Variants in SLC9A4 observed in about 807,000 individuals in gnomAD.
SLC9A4 encodes the protein solute carrier family 9 member A4, also known as sodium/hydrogen exchanger 4.
A neutral mutation model predicts 67.4 loss-of-function variants in SLC9A4; 63 were observed. The ratio of observed to expected loss-of-function variants is 0.93; its 90% CI spans 0.76 to 1.15. The LOEUF (loss-of-function observed/expected upper bound fraction) is 1.15. Among genes scored for constraint, SLC9A4 ranks in the 50% most tolerant of loss-of-function variants. The pLI, the probability that SLC9A4 is intolerant of heterozygous loss-of-function variation, is 0.00. For missense variants in SLC9A4, 1,089 were observed against 987.7 expected, an observed-to-expected ratio of 1.10 and a Z score of -1.38; for synonymous variants, 393 against 367.2, an observed-to-expected ratio of 1.07 and a Z score of -0.80.
At chr2:102,478,626 G>A (rs1684382663) in intron 1 of SLC9A4, among the ~76,000 whole-genome samples, 2 of 152,186 alleles carry the variant, frequency 1.3e-5, no homozygotes, top group African/African-American at 2.4e-5. Flanking sequence ...AGCTGGCTGT[G>A]AATGATTCTG....
intron 10 of SLC9A4, among the ~76,000 whole-genome samples, chr2:102,525,819 C>T (rs1037163030): frequency 6.6e-6 from 1 of 151,980 alleles, no homozygotes. Context: ...TTTCTCAAAA[C>T]AAAAAAACTA....
intron 2 of SLC9A4, among the ~76,000 whole-genome samples, chr2:102,501,156 C>G (rs188073441): frequency 1.7e-3 from 260 of 151,156 alleles, no homozygotes; most frequent in Non-Finnish European, 3.1e-3. Context: ...GAGTCTCGCT[C>G]TGGCACCCAG....
chr2:102,477,966 T>C (rs913030311), intron 1 of SLC9A4, among the ~76,000 whole-genome samples: 2 of 152,244 alleles, frequency 1.3e-5, no homozygotes, highest in Admixed American at 6.5e-5. Flanking sequence ...TTATCAATAG[T>C]GGGAATTGCA....
At chr2:102,501,744 A>G (rs887620584) in intron 2 of SLC9A4, among the ~76,000 whole-genome samples, 2 of 151,950 alleles carry the variant, frequency 1.3e-5, no homozygotes, top group African/African-American at 4.8e-5. Context: ...GGATGAAGCC[A>G]AACCCAGAAC....
chr2:102,477,048 A>G (rs2104411282), intron 1 of SLC9A4, among the ~76,000 whole-genome samples: 1 of 152,208 alleles, frequency 6.6e-6, no homozygotes, highest in South Asian at 2.1e-4. Context: ...GGAAGCTCAT[A>G]TCATCTATGG....
chr2:102,489,514 G>C (rs1184005007), intron 2 of SLC9A4, among the ~76,000 whole-genome samples: 1 of 152,190 alleles, frequency 6.6e-6, no homozygotes, highest in Non-Finnish European at 1.5e-5. Context: ...GTTCAGAAGA[G>C]TTTCAAACTT....
chr2:102,526,124 G>A (rs1330641978), intron 10 of SLC9A4, 135 bp from the exon 11 acceptor site: 1 of 789,824 alleles, frequency 1.3e-6, no homozygotes, highest in East Asian at 3.2e-5. Flanking sequence ...CTGACCTCAG[G>A]TGATCCGCCC....
chr2:102,476,454 A>G (rs1050890791), intron 1 of SLC9A4, among the ~76,000 whole-genome samples: 1 of 152,202 alleles, frequency 6.6e-6, no homozygotes, highest in Non-Finnish European at 1.5e-5. Flanking sequence ...ACAAGGCCCT[A>G]CTTATAGGTG....
At chr2:102,507,473 C>T (rs1247392399) in intron 4 of SLC9A4, among the ~76,000 whole-genome samples, 1 of 152,128 alleles carries the variant, frequency 6.6e-6, no homozygotes, top group Non-Finnish European at 1.5e-5. Flanking sequence ...CAAGCTCTTC[C>T]ACCCTAAACC....
chr2:102,523,527 T>A (rs1674593967), intron 9 of SLC9A4, among the ~76,000 whole-genome samples: 1 of 152,232 alleles, frequency 6.6e-6, no homozygotes, highest in Admixed American at 6.5e-5. Context: ...GAGCTTAATC[T>A]GTTTTGTATT....
In SLC9A4 at chr2:102,505,305, C is replaced by G; in HGVS notation, c.1032C>G (p.Ser344=). Reference sequence around the variant, plus strand: ...AAAAGTACGTGGAAGAAAACGTGTCCCAGACATCATACACGACCATCAAGT... The same window carrying G: ...AAAAGTACGTGGAAGAAAACGTGTCGCAGACATCATACACGACCATCAAGT... ...TMKKYVEENV[S]QTSYTTIKYF... is the part of the protein sequence containing the mutation. The change falls in exon 4 of 12, where the codon TCC becomes TCG. Residue 344 remains serine, a synonymous_variant. Coordinates refer to ENST00000295269, the MANE Select transcript of SLC9A4 (RefSeq NM_001011552.4). 1 of 1,614,130 alleles carries G rather than the reference C, an allele frequency of 6.2e-7. No homozygotes were observed. The highest frequency in any genetic ancestry group is 1.3e-5 in the African/African-American group (1 of 75,004).
At chr2:102,524,760 A>T (rs2104448358) in intron 9 of SLC9A4, among the ~76,000 whole-genome samples, 1 of 152,336 alleles carries the variant, frequency 6.6e-6, no homozygotes, top group South Asian at 2.1e-4. Context: ...GTCTGTGGGT[A>T]ACTAAGAGAA....
chr2:102,531,245 A>T (rs1674774599), intron 11 of SLC9A4, among the ~76,000 whole-genome samples: 1 of 152,104 alleles, frequency 6.6e-6, no homozygotes, highest in Non-Finnish European at 1.5e-5. Context: ...TCTAGAAAAT[A>T]CCTAAATTCT....
chr2:102,522,836 C>T (rs1291717885), intron 9 of SLC9A4, among the ~76,000 whole-genome samples: 1 of 152,184 alleles, frequency 6.6e-6, no homozygotes, highest in Non-Finnish European at 1.5e-5. Context: ...CAAAATTCAA[C>T]TTCTTGGGGC....
intron 2 of SLC9A4, among the ~76,000 whole-genome samples, chr2:102,499,499 G>A (rs991364204): frequency 1.3e-5 from 2 of 151,912 alleles, no homozygotes; most frequent in Admixed American, 6.6e-5. Flanking sequence ...TTCCTAATAC[G>A]AGAAATTCAC....
intron 1 of SLC9A4, among the ~76,000 whole-genome samples, chr2:102,476,111 T>A (rs747094637): frequency 1.3e-5 from 2 of 152,182 alleles, no homozygotes; most frequent in African/African-American, 2.4e-5. Flanking sequence ...CAGAAAAACA[T>A]CAAAACTCTC....
At chr2:102,526,100 C>G (rs1674659793) in intron 10 of SLC9A4, among the ~76,000 whole-genome samples, 159 bp from the exon 11 acceptor site, 1 of 152,206 alleles carries the variant, frequency 6.6e-6, no homozygotes, top group Non-Finnish European at 1.5e-5. Flanking sequence ...GTTGGCCAGG[C>G]TGGTCTTGAA....
At position 102,479,130 on chromosome 2, in the gene SLC9A4, T is replaced by TGAA. The variant is rs1461409993; in HGVS notation, c.550_552dup (p.Lys184dup). On this transcript the variant is annotated inframe_insertion, in exon 2 of 12. Transcript: ENST00000295269. ...CTCTCCCTCTACCTCATCTGCCAGG[T>TGAA]GAAGGCCTTTGGCCTGGGCGACGTC... 2 of 1,614,036 alleles carry TGAA rather than the reference T, an allele frequency of 1.2e-6. No homozygotes were observed. Among genetic ancestry groups the TGAA allele is most frequent in the Non-Finnish European group, 1.7e-6 (2 of 1,180,020 alleles).
At chr2:102,478,812 A>G in intron 1 of SLC9A4, 27 bp from the exon 2 acceptor site, 1 of 1,602,458 alleles carries the variant, frequency 6.2e-7, no homozygotes, top group Admixed American at 1.7e-5. Flanking sequence ...GTTTGCAAGC[A>G]CCTAACTGCT....
Sources: gnomAD v4.1 joint callset for allele counts (sites outside exome capture counted in the v4.1 genomes callset) on GRCh38, gnomAD v4.1.1 for gene constraint, MANE v1.5 for transcripts, NCBI Gene and HGNC (gene_info 2026-07-23, HGNC 2026-07-21) for gene names.